Variants in PAPPA2 observed in about 807,000 individuals in gnomAD.
PAPPA2 encodes pappalysin 2.
PAPPA2 carries 86 observed loss-of-function variants against 176.4 expected under a neutral mutation model. The ratio of observed to expected loss-of-function variants is 0.49; its 90% CI spans 0.41 to 0.58. The LOEUF is 0.58. Ranked by LOEUF, PAPPA2 falls within the 20% of genes least tolerant of loss-of-function variation. The pLI, the probability that PAPPA2 is intolerant of heterozygous loss-of-function variation, is 0.00. For synonymous variants in PAPPA2, 809 were observed against 852.2 expected (o/e 0.95, Z 0.88); for missense variants, 2,073 against 2,256.9 (o/e 0.92, Z 1.65).
At chr1:176,647,127 T>G (rs1370433176) in intron 3 of PAPPA2, among the ~76,000 whole-genome samples, 3 of 151,574 alleles carry the variant, frequency 2.0e-5, no homozygotes, top group Non-Finnish European at 4.4e-5. Context: ...AATAATCTCC[T>G]TGTAGTATTG....
chr1:176,660,907 C>A (rs1658323253), intron 3 of PAPPA2, among the ~76,000 whole-genome samples: 1 of 152,060 alleles, frequency 6.6e-6, no homozygotes, highest in African/African-American at 2.4e-5. Flanking sequence ...GTTTCCAAAT[C>A]TCTCCTGTTT....
intron 1 of PAPPA2, among the ~76,000 whole-genome samples, chr1:176,479,348 A>T (rs1169331906): frequency 6.6e-6 from 1 of 152,036 alleles, no homozygotes; most frequent in East Asian, 1.9e-4. Flanking sequence ...TGGGAGAAGC[A>T]TCTCTTAAGG....
intron 21 of PAPPA2, among the ~76,000 whole-genome samples, chr1:176,809,073 G>A (rs1666031329): frequency 6.6e-6 from 1 of 152,132 alleles, no homozygotes; most frequent in Non-Finnish European, 1.5e-5. Flanking sequence ...ATTAGTCTTT[G>A]GAGAGTTTTA....
At chr1:176,579,055 A>C (rs533800053) in intron 2 of PAPPA2, among the ~76,000 whole-genome samples, 1 of 151,832 alleles carries the variant, frequency 6.6e-6, no homozygotes, top group Non-Finnish European at 1.5e-5. Flanking sequence ...AGCATAACCC[A>C]CTCTATCTGG....
chr1:176,542,254 A>T (rs1455701541), intron 1 of PAPPA2, among the ~76,000 whole-genome samples: 1 of 152,208 alleles, frequency 6.6e-6, no homozygotes, highest in Non-Finnish European at 1.5e-5. Context: ...AGATTGAGTG[A>T]CAGTTTTAGA....
At chr1:176,731,767 T>G (rs1662170139) in intron 12 of PAPPA2, among the ~76,000 whole-genome samples, 2 of 150,454 alleles carry the variant, frequency 1.3e-5, no homozygotes, top group South Asian at 4.2e-4. Context: ...GCATACACAT[T>G]GTGAAATGAT....
chr1:176,482,042 G>C (rs930212787), intron 1 of PAPPA2, among the ~76,000 whole-genome samples: 1 of 152,118 alleles, frequency 6.6e-6, no homozygotes, highest in African/African-American at 2.4e-5. Context: ...GGTTCTATCT[G>C]TACACATTTC....
rs57602344 is a variant in PAPPA2 at position 176,537,719 on chromosome 1, A to AGTGTGTGTGTGTGT, written c.-916-17665_-916-17652dup. 1.3e-3 allele frequency among the ~76,000 whole-genome samples: 180 copies of AGTGTGTGTGTGTGT among 143,924 alleles called. 1 individual carries two copies. The highest frequency in any genetic ancestry group is 5.0e-3 in the South Asian group (22 of 4,366). 94.4% of individuals were successfully genotyped at this position (143,924 alleles called of 152,430 possible). A position where few individuals can be genotyped will look rare whatever the true frequency, so the allele number is the denominator to read the frequency against. On this transcript the variant is annotated intron_variant, in intron 1 of 22. Transcript: ENST00000367662. The stretch of plus-strand genomic sequence containing the variant: ...GTCCGTTTCAAGGCAGTAGGTATGG[A>AGTGTGTGTGTGTGT]GTGTGTGTGTGTGTGTGTGTGTGTG...
chr1:176,488,662 C>T (rs1406452413), intron 1 of PAPPA2, among the ~76,000 whole-genome samples: 1 of 152,176 alleles, frequency 6.6e-6, no homozygotes, highest in Non-Finnish European at 1.5e-5. Flanking sequence ...TTTGTAAATA[C>T]TATCATTTGT....
At chr1:176,583,654 G>C (rs1256980207) in intron 2 of PAPPA2, among the ~76,000 whole-genome samples, 2 of 151,878 alleles carry the variant, frequency 1.3e-5, no homozygotes, top group Non-Finnish European at 2.9e-5. Context: ...GCCTAGATTA[G>C]TCTTAAACTC....
intron 17 of PAPPA2, among the ~76,000 whole-genome samples, chr1:176,778,184 T>C: frequency 6.6e-6 from 1 of 151,846 alleles, no homozygotes; most frequent in East Asian, 1.9e-4. Flanking sequence ...AGAAACTTTA[T>C]TAAATTAAAA....
intron 1 of PAPPA2, among the ~76,000 whole-genome samples, chr1:176,497,577 C>A (rs1328332631): frequency 6.6e-6 from 1 of 152,098 alleles, no homozygotes; most frequent in Admixed American, 6.5e-5. Flanking sequence ...AATGAGCCAA[C>A]ATTGAAGAAA....
At chr1:176,790,079 G>C in intron 18 of PAPPA2, 102 bp downstream of exon 18, 1 of 1,345,006 alleles carries the variant, frequency 7.4e-7, no homozygotes, top group Non-Finnish European at 1.0e-6. Flanking sequence ...ATTCCAACAG[G>C]CAGGGACTTG....
At chr1:176,720,062 C>G (rs1173279180) in intron 12 of PAPPA2, among the ~76,000 whole-genome samples, 1 of 152,102 alleles carries the variant, frequency 6.6e-6, no homozygotes. Context: ...ATATATTGTG[C>G]AAACTGAAAT....
chr1:176,715,635 A>G (rs1190312000), intron 12 of PAPPA2, among the ~76,000 whole-genome samples: 2 of 152,200 alleles, frequency 1.3e-5, no homozygotes, highest in African/African-American at 4.8e-5. Context: ...GGGTGAACAT[A>G]CATTGGCCAC....
At chr1:176,566,309 G>A (rs187550485) in intron 2 of PAPPA2, among the ~76,000 whole-genome samples, 1 of 152,330 alleles carries the variant, frequency 6.6e-6, no homozygotes, top group East Asian at 1.9e-4. Context: ...CAGTGGTGTA[G>A]AGGGGTTTTC....
chr1:176,655,788 A>C (rs904515562), intron 3 of PAPPA2, among the ~76,000 whole-genome samples: 5 of 151,854 alleles, frequency 3.3e-5, no homozygotes, highest in Admixed American at 1.3e-4. Flanking sequence ...ACCAGCACAC[A>C]ATATATCCAT....
chr1:176,463,773 C>T (rs1651486715), intron 1 of PAPPA2, among the ~76,000 whole-genome samples: 1 of 152,154 alleles, frequency 6.6e-6, no homozygotes, highest in African/African-American at 2.4e-5. Flanking sequence ...TCATCCAGGC[C>T]TGTGCAGGGA....
chr1:176,521,919 T>C (rs1649235298), intron 1 of PAPPA2, among the ~76,000 whole-genome samples: 1 of 152,198 alleles, frequency 6.6e-6, no homozygotes, highest in African/African-American at 2.4e-5. Context: ...GTGCTGGTTT[T>C]CATGTTAGTA....
Sources: allele counts gnomAD v4.1 joint callset (sites outside exome capture counted in the v4.1 genomes callset), GRCh38; gene constraint gnomAD v4.1.1; transcripts MANE v1.5; gene names NCBI Gene and HGNC (gene_info 2026-07-23, HGNC 2026-07-21).